The following SREK1IP1 variants were observed in gnomAD, a reference collection of about 807,000 sequenced individuals.
The protein encoded by SREK1IP1 is protein SREK1IP1.
A neutral mutation model predicts 22.8 loss-of-function variants in SREK1IP1; 12 were observed. The ratio of observed to expected loss-of-function variants is 0.53; its 90% CI spans 0.34 to 0.85. The LOEUF is 0.85. Ranked by LOEUF, SREK1IP1 falls within the 40% of genes least tolerant of loss-of-function variation. The pLI, the probability that SREK1IP1 is intolerant of heterozygous loss-of-function variation, is 0.02. For missense variants in SREK1IP1, 147 were observed against 171.8 expected (o/e 0.86, Z 0.81); for synonymous variants, 53 against 52.7 (o/e 1.01, Z -0.02).
intron 1 of SREK1IP1, among the ~76,000 whole-genome samples, chr5:64,764,231 A>G (rs1221909068): frequency 6.6e-6 from 1 of 152,200 alleles, no homozygotes; most frequent in Non-Finnish European, 1.5e-5. Context: ...CATGCAGCCC[A>G]TGGGAAGCGA....
intron 3 of SREK1IP1, among the ~76,000 whole-genome samples, chr5:64,736,093 T>C (rs1158895533): frequency 2.0e-5 from 3 of 152,226 alleles, no homozygotes; most frequent in African/African-American, 2.4e-5. Context: ...TTTCTTTTGC[T>C]CTTTTTTTGT....
chr5:64,725,609 T>G (rs768991940), intron 4 of SREK1IP1, among the ~76,000 whole-genome samples: 5 of 152,166 alleles, frequency 3.3e-5, no homozygotes, highest in Non-Finnish European at 5.9e-5. Context: ...TTTTCCCTTA[T>G]TTTTGTAATG....
intron 2 of SREK1IP1, among the ~76,000 whole-genome samples, chr5:64,747,673 A>G (rs1436842096): frequency 6.6e-6 from 1 of 151,970 alleles, no homozygotes; most frequent in East Asian, 1.9e-4. Flanking sequence ...TCACGCCTGT[A>G]ATCCCAGCAC....
chr5:64,750,248 T>A (rs1561389485), intron 2 of SREK1IP1, among the ~76,000 whole-genome samples: 1 of 152,222 alleles, frequency 6.6e-6, no homozygotes. Context: ...GTGTCTTTCA[T>A]CCTTCTAGCT....
rs944949158 is a variant in SREK1IP1, at chr5:64,724,093, G to GT, written c.*290dup. Reference sequence around the variant, plus strand: ...CATTTTACAATGAACTTATGAAGTAGTAACACTAGCCAAACACACAGAGAC... The same window carrying GT: ...CATTTTACAATGAACTTATGAAGTAGTTAACACTAGCCAAACACACAGAGAC... On this transcript the variant is annotated 3_prime_UTR_variant, in exon 5 of 5. Coordinates refer to ENST00000513458, the MANE Select transcript of SREK1IP1 (RefSeq NM_173829.4). 1.0e-4 allele frequency: 23 copies of GT among 221,364 alleles called. No individual in the cohort carries two copies. Among genetic ancestry groups the GT allele is most frequent in the African/African-American group, 5.0e-4 (22 of 43,918 alleles). 13.7% of individuals were successfully genotyped at this position (221,364 alleles called of 1,614,324 possible). A position where few individuals can be genotyped will look rare whatever the true frequency, so the allele number is the denominator to read the frequency against.
chr5:64,747,446 A>C (rs745779778), intron 2 of SREK1IP1, among the ~76,000 whole-genome samples: 1 of 152,186 alleles, frequency 6.6e-6, no homozygotes, highest in Non-Finnish European at 1.5e-5. Flanking sequence ...ATCACTCAGG[A>C]AATTCCAAGA....
At chr5:64,757,512 T>C (rs1742863595) in intron 1 of SREK1IP1, among the ~76,000 whole-genome samples, 1 of 152,214 alleles carries the variant, frequency 6.6e-6, no homozygotes, top group Non-Finnish European at 1.5e-5. Context: ...GTGATTTTCA[T>C]CCACATAAAA....
rs143987219 is a variant in SREK1IP1, at chr5:64,730,433, C to T, written c.206-2254G>A. ...ATCTAGGGAAGAACAATGGGAAAAA[C>T]GAAAAAAAATTGATGCTGATTGAAA... On this transcript the variant is annotated intron_variant, in intron 3 of 4. Coordinates refer to ENST00000513458, the MANE Select transcript of SREK1IP1 (RefSeq NM_173829.4). 2.2e-3 allele frequency among the ~76,000 whole-genome samples: 336 copies of T among 151,272 alleles called. 1 individual carries two copies. The highest frequency in any genetic ancestry group is 3.7e-3 in the Non-Finnish European group (253 of 67,808).
At chr5:64,757,327 T>TCACGGTTA (rs1742859585) in intron 1 of SREK1IP1, among the ~76,000 whole-genome samples, 1 of 152,202 alleles carries the variant, frequency 6.6e-6, no homozygotes, top group African/African-American at 2.4e-5. Context: ...GCCCAGGAAT[T>TCACGGTTA]CACGGTTACA....
At chr5:64,725,923 G>C (rs548838473) in intron 4 of SREK1IP1, among the ~76,000 whole-genome samples, 2 of 143,294 alleles carry the variant, frequency 1.4e-5, no homozygotes, top group Non-Finnish European at 1.5e-5. Flanking sequence ...GGAGTGCAAT[G>C]GCGTGATCTC....
At chr5:64,759,614 C>G (rs1183874372) in intron 1 of SREK1IP1, among the ~76,000 whole-genome samples, 1 of 151,508 alleles carries the variant, frequency 6.6e-6, no homozygotes, top group African/African-American at 2.4e-5. Flanking sequence ...CTCATAGGAC[C>G]AAAAAAGAGC....
intron 3 of SREK1IP1, among the ~76,000 whole-genome samples, chr5:64,734,607 T>G (rs1742428613): frequency 6.6e-6 from 1 of 152,084 alleles, no homozygotes; most frequent in South Asian, 2.1e-4. Context: ...CAACAATATT[T>G]TGTAAAATAT....
intron 1 of SREK1IP1, among the ~76,000 whole-genome samples, chr5:64,763,785 C>T (rs1185893514): frequency 6.6e-6 from 1 of 152,180 alleles, no homozygotes; most frequent in Non-Finnish European, 1.5e-5. Flanking sequence ...ACAGGGATAT[C>T]CAATCTTCTG....
At chr5:64,751,170 T>C (rs1377504107) in intron 2 of SREK1IP1, among the ~76,000 whole-genome samples, 4 of 152,200 alleles carry the variant, frequency 2.6e-5, no homozygotes, top group Non-Finnish European at 5.9e-5. Flanking sequence ...TCTTATCTGT[T>C]GCACCTGACA....
At chr5:64,731,481 T>C (rs901252722) in intron 3 of SREK1IP1, among the ~76,000 whole-genome samples, 1 of 146,600 alleles carries the variant, frequency 6.8e-6, no homozygotes, top group African/African-American at 2.6e-5. Flanking sequence ...ATGATTGCAT[T>C]ACTGAACTCC....
chr5:64,729,593 C>T (rs190952505), intron 3 of SREK1IP1, among the ~76,000 whole-genome samples: 5 of 152,170 alleles, frequency 3.3e-5, no homozygotes, highest in African/African-American at 7.2e-5. Flanking sequence ...CTAAGTGAGA[C>T]GGACTGTGTG....
intron 4 of SREK1IP1, among the ~76,000 whole-genome samples, chr5:64,727,408 T>G (rs1742289720): frequency 6.7e-6 from 1 of 150,332 alleles, no homozygotes; most frequent in African/African-American, 2.5e-5. Flanking sequence ...AAGGAAGTTG[T>G]GATGCTAAAA....
At chr5:64,743,414 T>C (rs180783479) in intron 2 of SREK1IP1, among the ~76,000 whole-genome samples, 5 of 152,290 alleles carry the variant, frequency 3.3e-5, no homozygotes, top group East Asian at 1.9e-4. Flanking sequence ...AAAGATGAAA[T>C]TGCCTAATGA....
At chr5:64,754,414 TA>T in intron 1 of SREK1IP1, 52 bp from the exon 2 acceptor site, 4 of 1,544,138 alleles carry the variant, frequency 2.6e-6, no homozygotes, top group Non-Finnish European at 3.6e-6. Flanking sequence ...TGCGAAAACT[TA>T]AAAACTTTAT....
Sources: allele counts gnomAD v4.1 joint callset (sites outside exome capture counted in the v4.1 genomes callset), GRCh38; gene constraint gnomAD v4.1.1; transcripts MANE v1.5; gene names NCBI Gene and HGNC (gene_info 2026-07-23, HGNC 2026-07-21).